The following ZNF366 variants were observed in gnomAD, a reference collection of about 807,000 sequenced individuals.
ZNF366 encodes dendritic cell-specific transcript protein.
ZNF366 carries 20 observed loss-of-function variants against 47.2 expected under a neutral mutation model. The observed-to-expected ratio is 0.42, with a 90% CI of 0.30 to 0.62. The LOEUF is 0.62. ZNF366 is among the 20% of genes least tolerant of loss of function. The pLI, the probability that ZNF366 is intolerant of heterozygous loss-of-function variation, is 0.16. For synonymous variants in ZNF366, 421 were observed against 395.1 expected (o/e 1.07, Z -0.78); for missense variants, 987 against 976.3 (o/e 1.01, Z -0.15).
intron 1 of ZNF366, among the ~76,000 whole-genome samples, chr5:72,469,401 G>A (rs906133038): frequency 4.6e-5 from 7 of 152,112 alleles, no homozygotes; most frequent in Admixed American, 1.3e-4. Flanking sequence ...TCTGCACGTC[G>A]ATATTAAAAG....
chr5:72,452,535 C>G (rs1743095887), intron 3 of ZNF366, among the ~76,000 whole-genome samples: 1 of 152,188 alleles, frequency 6.6e-6, no homozygotes, highest in Admixed American at 6.5e-5. Flanking sequence ...CTCAAAGCCC[C>G]CCATCTGGTT....
intron 1 of ZNF366, among the ~76,000 whole-genome samples, chr5:72,470,176 T>C (rs1050278853): frequency 3.3e-5 from 5 of 152,226 alleles, no homozygotes; most frequent in Admixed American, 3.3e-4. Context: ...GGGCATCATA[T>C]CCCCTAAGCT....
intron 1 of ZNF366, among the ~76,000 whole-genome samples, chr5:72,475,993 T>A (rs571817819): frequency 6.6e-6 from 1 of 152,326 alleles, no homozygotes; most frequent in South Asian, 2.1e-4. Flanking sequence ...AATGATGCCC[T>A]GACCACTCTA....
At chr5:72,454,092 A>G (rs1743132627) in intron 3 of ZNF366, among the ~76,000 whole-genome samples, 4 of 152,358 alleles carry the variant, frequency 2.6e-5, no homozygotes, top group African/African-American at 4.8e-5. Context: ...ATTCTACTTT[A>G]TAAACCACTC....
At chr5:72,456,044 C>T (rs1263985214) in intron 3 of ZNF366, among the ~76,000 whole-genome samples, 1 of 152,148 alleles carries the variant, frequency 6.6e-6, no homozygotes, top group Admixed American at 6.5e-5. Context: ...GAGAAGAAGG[C>T]TAAACTTGCC....
intron 1 of ZNF366, among the ~76,000 whole-genome samples, chr5:72,469,345 A>G (rs1056132963): frequency 1.3e-5 from 2 of 152,252 alleles, no homozygotes; most frequent in African/African-American, 4.8e-5. Flanking sequence ...CTGAATTTAA[A>G]TTAAAAATGT....
At chr5:72,456,672 C>T in intron 2 of ZNF366, 77 bp from the exon 3 acceptor site, 3 of 1,390,044 alleles carry the variant, frequency 2.2e-6, no homozygotes, top group Non-Finnish European at 2.9e-6. Flanking sequence ...CTTCATTTTC[C>T]TCTCTGCCAC....
chr5:72,490,682 T>C (rs910362606), intron 1 of ZNF366, among the ~76,000 whole-genome samples: 1 of 152,194 alleles, frequency 6.6e-6, no homozygotes, highest in African/African-American at 2.4e-5. Context: ...CATGCCAGAC[T>C]GTTGTGTGCT....
At chr5:72,473,610 T>G (rs1361550292) in intron 1 of ZNF366, among the ~76,000 whole-genome samples, 1 of 152,232 alleles carries the variant, frequency 6.6e-6, no homozygotes, top group Admixed American at 6.5e-5. Flanking sequence ...AATGTTCTTT[T>G]CATTGACCCA....
At chr5:72,493,525 G>A (rs766496757) in intron 1 of ZNF366, 5 of 152,062 alleles carry the variant, frequency 3.3e-5, no homozygotes, top group South Asian at 4.1e-4. Context: ...CCTATTATAG[G>A]TAGCAATTGA....
intron 1 of ZNF366, among the ~76,000 whole-genome samples, chr5:72,481,640 C>T (rs1402876517): frequency 6.6e-6 from 1 of 152,180 alleles, no homozygotes; most frequent in Non-Finnish European, 1.5e-5. Context: ...ACTTATATTA[C>T]TCATTTCTAT....
chr5:72,470,852 A>C (rs145479920), intron 1 of ZNF366, among the ~76,000 whole-genome samples: 3 of 152,366 alleles, frequency 2.0e-5, no homozygotes, highest in Non-Finnish European at 2.9e-5. Flanking sequence ...AGTGCTCCTC[A>C]GAATGGATGG....
At chr5:72,445,527 T>A (rs1258915770) in intron 4 of ZNF366, among the ~76,000 whole-genome samples, 1 of 152,198 alleles carries the variant, frequency 6.6e-6, no homozygotes, top group African/African-American at 2.4e-5. Context: ...AAATAAAAGC[T>A]AATACCCTTT....
chr5:72,446,560 C>T (rs1400298745), intron 4 of ZNF366, among the ~76,000 whole-genome samples: 1 of 152,144 alleles, frequency 6.6e-6, no homozygotes, highest in African/African-American at 2.4e-5. Context: ...AAGGTAAAGG[C>T]AGTGAGAACT....
At chr5:72,448,607 G>A (rs1049287241) in intron 3 of ZNF366, among the ~76,000 whole-genome samples, 3 of 152,140 alleles carry the variant, frequency 2.0e-5, no homozygotes, top group Admixed American at 1.3e-4. Context: ...GTGGAGCTGG[G>A]GCTGCACTAT....
At chr5:72,451,998 G>A (rs1336742202) in intron 3 of ZNF366, among the ~76,000 whole-genome samples, 1 of 152,244 alleles carries the variant, frequency 6.6e-6, no homozygotes, top group Non-Finnish European at 1.5e-5. Flanking sequence ...GAAGTCGGCT[G>A]TGGCCAGAGA....
rs1202871466 is a variant in ZNF366 at position 72,490,391 on chromosome 5, GA to G, written c.-15+16859del. Among the ~76,000 whole-genome samples the G allele has an allele frequency of 2.0e-5, 3 of 152,096 alleles. No individual in the cohort carries two copies. In the East Asian group the frequency reaches 5.8e-4, roughly 29 times the overall value. On this transcript the variant is annotated intron_variant, in intron 1 of 4. Coordinates refer to ENST00000318442, the MANE Select transcript of ZNF366 (RefSeq NM_152625.3). ...TTGAAAATTTTGAGAATAAGGGAAG[GA>G]AAAAGGAATGGAAAACAGATGAGAT... is the stretch of plus-strand genomic sequence containing the variant.
At position 72,460,651 on chromosome 5, in the gene ZNF366, C is replaced by T. The variant is rs760974848; in HGVS notation, c.846G>A (p.Ala282=). Residue 282 remains alanine, a synonymous_variant, in exon 2 of 5, where the codon GCG becomes GCA. Coordinates refer to ENST00000318442, the MANE Select transcript of ZNF366 (RefSeq NM_152625.3). ...TGAAGAGCTTCCCGCAGTGCGTGCACGCGTGCGGCTTGATCCCACTGTGGC... is the reference window on the plus strand; with the variant it reads ...TGAAGAGCTTCCCGCAGTGCGTGCATGCGTGCGGCTTGATCCCACTGTGGC... ...ILGHSGIKPH[A]CTHCGKLFKQ... 1.9e-6 allele frequency: 3 copies of T among 1,614,098 alleles called. No individual in the cohort carries two copies. The highest frequency in any genetic ancestry group is 1.1e-5 in the South Asian group (1 of 91,092).
At chr5:72,459,292 G>A (rs1404480517) in intron 2 of ZNF366, among the ~76,000 whole-genome samples, 2 of 152,132 alleles carry the variant, frequency 1.3e-5, no homozygotes, top group Non-Finnish European at 2.9e-5. Flanking sequence ...AGTCTTTCCT[G>A]CCAAGAAAAC....
Sources: gnomAD v4.1 joint callset for allele counts (sites outside exome capture counted in the v4.1 genomes callset) on GRCh38, gnomAD v4.1.1 for gene constraint, MANE v1.5 for transcripts, NCBI Gene and HGNC (gene_info 2026-07-23, HGNC 2026-07-21) for gene names.